CDH13: variants seen among roughly 807,000 people sequenced by gnomAD.
CDH13 encodes cadherin 13, also known as cadherin-13.
CDH13 carries 24 observed loss-of-function variants against 63.8 expected under a neutral mutation model. The observed-to-expected ratio is 0.38, with a 90% CI of 0.27 to 0.53. The LOEUF (loss-of-function observed/expected upper bound fraction) is 0.53, where lower values mean the gene tolerates loss of function less well. CDH13 is among the 20% of genes least tolerant of loss of function. The pLI is 0.85. For missense variants in CDH13, 1,049 were observed against 903.1 expected (o/e 1.16, Z -2.07); for synonymous variants, 503 against 355.3 (o/e 1.42, Z -4.67).
intron 1 of CDH13, among the ~76,000 whole-genome samples, chr16:82,629,549 G>A (rs1258330245): frequency 6.6e-6 from 1 of 152,158 alleles, no homozygotes; most frequent in African/African-American, 2.4e-5. Flanking sequence ...AAAACAGAAG[G>A]GAAAAACAAT....
chr16:83,223,406 C>G (rs1471769045), intron 5 of CDH13, among the ~76,000 whole-genome samples: 3 of 152,228 alleles, frequency 2.0e-5, no homozygotes, highest in Non-Finnish European at 4.4e-5. Context: ...ATGCTCTAAT[C>G]ACCTCTAAAG....
At position 83,791,393 on chromosome 16, in the gene CDH13, G is replaced by A. The variant is rs181500627; in HGVS notation, c.2135-3630G>A. ...CACCTGTAATCCCAGCTACTCAGGA[G>A]GCTGAGGCAGGAGAATCGAGTGAGC... On this transcript the variant is annotated intron_variant, in intron 13 of 13. Transcript: ENST00000567109. Among the ~76,000 whole-genome samples the A allele has an allele frequency of 2.6e-4, 39 of 152,238 alleles. No individual in the cohort carries two copies. The East Asian group carries it at 4.4e-3, about 17-fold the overall frequency.
intron 1 of CDH13, among the ~76,000 whole-genome samples, chr16:82,808,432 A>G (rs1249700568): frequency 1.3e-5 from 2 of 152,128 alleles, no homozygotes; most frequent in African/African-American, 2.4e-5. Context: ...CTTTTCCACA[A>G]TGCTTTCAGA....
intron 10 of CDH13, among the ~76,000 whole-genome samples, chr16:83,720,459 G>C (rs544942713): frequency 6.6e-6 from 1 of 152,202 alleles, no homozygotes; most frequent in Non-Finnish European, 1.5e-5. Flanking sequence ...AGAGATTAGG[G>C]GAAGTTGGGC....
intron 4 of CDH13, among the ~76,000 whole-genome samples, chr16:83,152,372 T>C (rs1322952239): frequency 1.3e-5 from 2 of 152,208 alleles, no homozygotes; most frequent in African/African-American, 4.8e-5. Context: ...GAAAAATGCA[T>C]AAAAATACTA....
At chr16:83,169,822 C>G (rs1170070914) in intron 4 of CDH13, among the ~76,000 whole-genome samples, 2 of 151,978 alleles carry the variant, frequency 1.3e-5, no homozygotes, top group Admixed American at 1.3e-4. Flanking sequence ...TATGCGTATT[C>G]TCTTGTTTAT....
At chr16:83,603,170 C>G (rs8053046) in intron 8 of CDH13, among the ~76,000 whole-genome samples, 50,134 of 152,116 alleles carry the variant, frequency 0.33, 8,541 homozygotes, top group Middle Eastern at 0.38. Context: ...GCTGAGTACA[C>G]AAGATCACAT....
chr16:83,319,020 A>G (rs990318399), intron 5 of CDH13, among the ~76,000 whole-genome samples: 1 of 150,972 alleles, frequency 6.6e-6, no homozygotes. Context: ...TATACAAAAT[A>G]TATATATAAC....
At chr16:82,633,698 C>T (rs1908307059) in intron 1 of CDH13, among the ~76,000 whole-genome samples, 1 of 152,188 alleles carries the variant, frequency 6.6e-6, no homozygotes, top group Admixed American at 6.5e-5. Flanking sequence ...ATCCATAGGA[C>T]ACTGTCACAT....
intron 10 of CDH13, among the ~76,000 whole-genome samples, chr16:83,683,090 C>T (rs1459281839): frequency 1.3e-5 from 2 of 152,212 alleles, no homozygotes; most frequent in East Asian, 1.9e-4. Flanking sequence ...CTCAAGTCAG[C>T]AAAGGGCGCC....
intron 3 of CDH13, among the ~76,000 whole-genome samples, chr16:83,098,473 A>G (rs1300268254): frequency 2.0e-5 from 3 of 151,606 alleles, no homozygotes. Context: ...AGATTCATAT[A>G]TCCATCCAAC....
chr16:83,115,779 A>G (rs1296807122), intron 3 of CDH13, among the ~76,000 whole-genome samples: 1 of 152,224 alleles, frequency 6.6e-6, no homozygotes, highest in Non-Finnish European at 1.5e-5. Flanking sequence ...TAGGAGAGGG[A>G]ACAAAGATGA....
At chr16:83,266,646 T>C (rs1000318067) in intron 5 of CDH13, among the ~76,000 whole-genome samples, 2 of 152,168 alleles carry the variant, frequency 1.3e-5, no homozygotes, top group African/African-American at 4.8e-5. Flanking sequence ...CTTTACTAAC[T>C]CTTAAGGCAA....
chr16:82,931,209 G>A (rs1342176103), intron 2 of CDH13, among the ~76,000 whole-genome samples: 1 of 152,120 alleles, frequency 6.6e-6, no homozygotes, highest in Admixed American at 6.5e-5. Flanking sequence ...AGCATATCTA[G>A]CCTTATTTAT....
intron 1 of CDH13, among the ~76,000 whole-genome samples, chr16:82,831,058 A>T (rs926373910): frequency 3.9e-5 from 6 of 152,154 alleles, no homozygotes; most frequent in African/African-American, 1.4e-4. Flanking sequence ...CTGCTTCCCA[A>T]TGCGTGGTCC....
chr16:83,460,668 A>C (rs1252449357), intron 6 of CDH13, among the ~76,000 whole-genome samples: 1 of 152,102 alleles, frequency 6.6e-6, no homozygotes, highest in Non-Finnish European at 1.5e-5. Flanking sequence ...AAGAAGTAAA[A>C]CTATGAAGCA....
In CDH13 at chr16:83,512,777, A is replaced by G. The variant is rs2074603751; in HGVS notation, c.960+26122A>G. On this transcript the variant is annotated intron_variant, in intron 7 of 13. Transcript: ENST00000567109. Reference sequence around the variant, plus strand: ...GGGGCACCGATCTAGACCAGTGTGGACTAGAAGTAGCCACATCCCCTGAGA... The same window carrying G: ...GGGGCACCGATCTAGACCAGTGTGGGCTAGAAGTAGCCACATCCCCTGAGA... Among the ~76,000 whole-genome samples the G allele has an allele frequency of 3.9e-5, 6 of 152,260 alleles. No homozygotes were observed. In the South Asian group the frequency reaches 1.2e-3, roughly 32 times the overall value.
chr16:83,010,135 C>CAAAAAAAAAAAAAAAAAAAAA (rs67985333), intron 2 of CDH13, among the ~76,000 whole-genome samples: 6 of 50,116 alleles, frequency 1.2e-4, no homozygotes, highest in Admixed American at 3.1e-4. Context: ...AACTCTGTCT[C>CAAAAAAAAAAAAAAAAAAAAA]AAAAAAAAAA....
chr16:83,027,693 A>G (rs1404013148), intron 2 of CDH13, among the ~76,000 whole-genome samples: 1 of 152,194 alleles, frequency 6.6e-6, no homozygotes, highest in Non-Finnish European at 1.5e-5. Flanking sequence ...TCCAGGGAGC[A>G]GAGCTGTGTG....
Sources: gnomAD v4.1 joint callset for allele counts (sites outside exome capture counted in the v4.1 genomes callset) on GRCh38, gnomAD v4.1.1 for gene constraint, MANE v1.5 for transcripts, NCBI Gene and HGNC (gene_info 2026-07-23, HGNC 2026-07-21) for gene names.